INO80B: variants seen among roughly 807,000 people sequenced by gnomAD.
INO80B encodes the protein INO80 complex subunit B, also known as IES2 homolog.
Under a neutral mutation model 31.4 loss-of-function variants are expected in INO80B, and 18 were observed. The ratio of observed to expected loss-of-function variants is 0.57; its 90% CI spans 0.40 to 0.85. INO80B has a LOEUF of 0.85. Among genes scored for constraint, INO80B ranks in the 40% least tolerant of loss-of-function variants. INO80B has a pLI of 0.00. For missense variants in INO80B, 469 were observed against 475.4 expected (o/e 0.99, Z 0.13); for synonymous variants, 238 against 199.0 (o/e 1.20, Z -1.65).
rs1397299360 is a variant in INO80B, at chr2:74,457,611, T to C, written c.818T>C (p.Val273Ala). ...CGGGCTGCGGCTCCGGCCCCCATGG[T>C]GCGCTACTGCAGCGGAGCACAGGGT... Reference protein sequence around the residue: ...GGRAAAPAPMVRYCSGAQGST... With the variant: ...GGRAAAPAPMARYCSGAQGST... Residue 273 changes from valine to alanine, a missense_variant, in exon 5 of 5, where the codon GTG becomes GCG. Physicochemically the swap from Val to Ala is moderately conservative, Grantham distance 64 (BLOSUM62 0). Transcript: ENST00000233331. The C allele has an allele frequency of 8.9e-6, 14 of 1,568,732 alleles. No homozygotes were observed. The highest frequency in any genetic ancestry group is 1.2e-5 in the Non-Finnish European group (14 of 1,163,804).
At chr2:74,455,336 G>A in intron 1 of INO80B, 70 bp from the exon 2 acceptor site, 10 of 1,585,920 alleles carry the variant, frequency 6.3e-6, no homozygotes, top group African/African-American at 1.3e-5. Flanking sequence ...ATCCAGTAGG[G>A]GCTTAGGTTA....
chr2:74,457,423 G>A lies in INO80B; in HGVS notation c.630G>A (p.Glu210=). The A allele has an allele frequency of 6.3e-7, 1 of 1,599,012 alleles. No homozygotes were observed. The highest frequency in any genetic ancestry group is 2.3e-5 in the East Asian group (1 of 43,896). ...GCTGCCCACCTCCCGCCCTCACAGAGGAGATGCTGCTGAAGCGCGAGGAGC... is the reference window on the plus strand; with the variant it reads ...GCTGCCCACCTCCCGCCCTCACAGAAGAGATGCTGCTGAAGCGCGAGGAGC... ...AEGCPPPALT[E]EMLLKREERA... The change falls in exon 5 of 5, where the codon GAG becomes GAA. Residue 210 remains glutamate, a synonymous_variant. Transcript: ENST00000233331.
intron 1 of INO80B, 81 bp from the exon 2 acceptor site, chr2:74,455,325 G>C (rs770181215): frequency 1.3e-6 from 2 of 1,565,126 alleles, no homozygotes; most frequent in Non-Finnish European, 1.8e-6. Context: ...GGAAGGGTGG[G>C]ATCCAGTAGG....
chr2:74,456,360 A>G lies in INO80B; in HGVS notation c.540+88A>G, dbSNP rs1671700561. The G allele has an allele frequency of 2.2e-6, 3 of 1,350,216 alleles. No homozygotes were observed. In the East Asian group the frequency reaches 7.0e-5, roughly 31 times the overall value. 83.6% of individuals were successfully genotyped at this position (1,350,216 alleles called of 1,614,324 possible). On this transcript the variant is annotated intron_variant, in intron 4 of 4. Coordinates refer to ENST00000233331, the MANE Select transcript of INO80B (RefSeq NM_031288.4). ...CCACGCACTTTGCGTGGCATTGGGG[A>G]TATCGATAGTAGAGAAAAGACAAAG... is the stretch of plus-strand genomic sequence containing the variant.
Position 74,455,894 on chromosome 2 carries a change from C to G in INO80B, c.328C>G (p.Pro110Ala), listed in dbSNP as rs1176615958. Reference sequence around the variant, plus strand: ...TATGGTTGTGGATAATGAAGAGGAACCTATGGAAGGAGTCCCCCTTGAGCA... The same window carrying G: ...TATGGTTGTGGATAATGAAGAGGAAGCTATGGAAGGAGTCCCCCTTGAGCA... ...PLMVVDNEEEPMEGVPLEQYR... is the reference protein window; with the variant it reads ...PLMVVDNEEEAMEGVPLEQYR... The change falls in exon 3 of 5, where the codon CCT becomes GCT. Residue 110 changes from proline to alanine, a missense_variant. Pro to Ala is a conservative substitution (Grantham distance 27). Coordinates refer to ENST00000233331, the MANE Select transcript of INO80B (RefSeq NM_031288.4). 1 of 1,613,770 alleles carries G rather than the reference C, an allele frequency of 6.2e-7. No individual in the cohort carries two copies. Among genetic ancestry groups the G allele is most frequent in the Non-Finnish European group, 8.5e-7 (1 of 1,179,700 alleles).
chr2:74,455,099 C>T lies in INO80B; in HGVS notation c.-18C>T, dbSNP rs1314240465. ...GTGTGTCCCAACCATTTCTAGTCCC[C>T]TTTCCTCGCAGGACCTCATGAGTAA... On this transcript the variant is annotated 5_prime_UTR_variant, in exon 1 of 5. Transcript: ENST00000233331. The T allele has an allele frequency of 2.5e-6, 4 of 1,613,944 alleles. No homozygotes were observed. The East Asian group carries it at 6.7e-5, about 27-fold the overall frequency.
chr2:74,457,900 C>T lies in INO80B; in HGVS notation c.*36C>T, dbSNP rs1356674845. The stretch of plus-strand genomic sequence containing the variant: ...CCGGACTCTGCGCCCCGTCCCATGC[C>T]CGCTCTTGAGTATCTTCCCCACCCT... On this transcript the variant is annotated 3_prime_UTR_variant, in exon 5 of 5. Transcript: ENST00000233331. 1 of 1,494,940 alleles carries T rather than the reference C, an allele frequency of 6.7e-7. No homozygotes were observed. Among genetic ancestry groups the T allele is most frequent in the South Asian group, 1.3e-5 (1 of 76,690 alleles). 92.6% of individuals were successfully genotyped at this position (1,494,940 alleles called of 1,614,324 possible). A position where few individuals can be genotyped will look rare whatever the true frequency, so the allele number is the denominator to read the frequency against.
rs151315032 is a variant in INO80B, at chr2:74,455,138, G to A, written c.22G>A (p.Gly8Arg). 5.2e-4 allele frequency: 837 copies of A among 1,614,224 alleles called. No homozygotes were observed. Among genetic ancestry groups the A allele is most frequent in the Non-Finnish European group, 6.9e-4 (810 of 1,180,034 alleles). ...CCTCATGAGTAAGCTGTGGCGGCGTGGGAGCACCTCTGGGGCTATGGAGGC... is the reference window on the plus strand; with the variant it reads ...CCTCATGAGTAAGCTGTGGCGGCGTAGGAGCACCTCTGGGGCTATGGAGGC... The part of the protein sequence containing the change: MSKLWRR[G>R]STSGAMEAPE... Residue 8 changes from glycine (G) to arginine (R), a missense_variant, in exon 1 of 5, where the codon GGG becomes AGG. Physicochemically the swap from Gly to Arg is moderately radical, Grantham distance 125. Transcript: ENST00000233331.
chr2:74,455,775 G>T, intron 2 of INO80B, 43 bp from the exon 3 acceptor site: 1 of 1,467,658 alleles, frequency 6.8e-7, no homozygotes, highest in South Asian at 1.1e-5. Context: ...GTAGGAGGAG[G>T]AGACGCTTGC....
Position 74,455,127 on chromosome 2 carries a change from T to A in INO80B, c.11T>A (p.Leu4Gln). Reference sequence around the variant, plus strand: ...TCCTCGCAGGACCTCATGAGTAAGCTGTGGCGGCGTGGGAGCACCTCTGGG... The same window carrying A: ...TCCTCGCAGGACCTCATGAGTAAGCAGTGGCGGCGTGGGAGCACCTCTGGG... MSKLWRRGSTSGAM... is the reference protein window; with the variant it reads MSKQWRRGSTSGAM... The change falls in exon 1 of 5, where the codon CTG (leucine) becomes CAG (glutamine). Residue 4 changes from leucine to glutamine, a missense_variant. Transcript: ENST00000233331. The A allele has an allele frequency of 1.2e-6, 2 of 1,614,190 alleles. No homozygotes were observed. Among genetic ancestry groups the A allele is most frequent in the Non-Finnish European group, 1.7e-6 (2 of 1,180,036 alleles).
Position 74,457,853 on chromosome 2 carries a change from T to A in INO80B, c.1060T>A (p.Leu354Met). ...GCCCGAGGGTCCTGGATCCCCCCTT[T>A]TGGCTACGTAAGGCCCTTAACCCGG... ...GGPEGPGSPL[L>M]AT The change falls in exon 5 of 5, where the codon TTG becomes ATG. Residue 354 changes from leucine (L) to methionine (M), a missense_variant. By Grantham distance (15) the Leu-to-Met change is conservative. This residue lies in a region of INO80B where 201 missense variants were observed against 151.7 expected (regional missense o/e 1.32). Coordinates refer to ENST00000233331, the MANE Select transcript of INO80B (RefSeq NM_031288.4). 6.4e-7 allele frequency: 1 copy of A among 1,558,772 alleles called. No individual in the cohort carries two copies. Among genetic ancestry groups the A allele is most frequent in the South Asian group, 1.2e-5 (1 of 85,742 alleles).
chr2:74,457,879 A>T lies in INO80B; in HGVS notation c.*15A>T. The T allele has an allele frequency of 6.6e-7, 1 of 1,509,678 alleles. No homozygotes were observed. Among genetic ancestry groups the T allele is most frequent in the Non-Finnish European group, 8.8e-7 (1 of 1,135,898 alleles). The allele number at this position is 1,509,678 out of a possible 1,614,324, so 93.5% of individuals were successfully genotyped here. A position where few individuals can be genotyped will look rare whatever the true frequency, so the allele number is the denominator to read the frequency against. ...TGGCTACGTAAGGCCCTTAACCCGG[A>T]CTCTGCGCCCCGTCCCATGCCCGCT... On this transcript the variant is annotated 3_prime_UTR_variant, in exon 5 of 5. Coordinates refer to ENST00000233331, the MANE Select transcript of INO80B (RefSeq NM_031288.4).
chr2:74,456,857 A>G (rs1010170188), intron 4 of INO80B, among the ~76,000 whole-genome samples: 8 of 152,238 alleles, frequency 5.3e-5, no homozygotes, highest in African/African-American at 1.9e-4. Flanking sequence ...CCAAGACGAA[A>G]GTGGTGGAGA....
chr2:74,455,968 C>G lies in INO80B; in HGVS notation c.370+32C>G, dbSNP rs765725635. The G allele has an allele frequency of 3.8e-6, 6 of 1,561,676 alleles. No homozygotes were observed. The South Asian group carries it at 6.7e-5, about 17-fold the overall frequency. On this transcript the variant is annotated intron_variant, in intron 3 of 4. Coordinates refer to ENST00000233331, the MANE Select transcript of INO80B (RefSeq NM_031288.4). ...ATCTGGAGGTGGGGAAACTGGGTTT[C>G]TTATTATACCCGCCTAAAGAAAGAA...
At position 74,455,521 on chromosome 2, in the gene INO80B, G is replaced by T; in HGVS notation, c.174G>T (p.Gly58=). 1 of 1,614,146 alleles carries T rather than the reference G, an allele frequency of 6.2e-7. No homozygotes were observed. Among genetic ancestry groups the T allele is most frequent in the South Asian group, 1.1e-5 (1 of 91,090 alleles). The change falls in exon 2 of 5, where the codon GGG becomes GGT. Residue 58 remains glycine (G), a synonymous_variant. Coordinates refer to ENST00000233331, the MANE Select transcript of INO80B (RefSeq NM_031288.4). ...KKKHHQEEDA[G]PTQPSPAKPQ... is the part of the protein sequence containing the mutation. The stretch of plus-strand genomic sequence containing the variant: ...AACACCATCAGGAAGAAGACGCCGG[G>T]CCCACGCAGCCGTCCCCTGCCAAGC...
rs753408990 is a variant in INO80B at position 74,457,401 on chromosome 2, G to T, written c.608G>T (p.Cys203Phe). 1.9e-6 allele frequency: 3 copies of T among 1,606,102 alleles called. No individual in the cohort carries two copies. The Admixed American group carries it at 5.1e-5, about 27-fold the overall frequency. Reference sequence around the variant, plus strand: ...CTGCCGCTGCCTGTAGCTGAGGGCTGCCCACCTCCCGCCCTCACAGAGGAG... The same window carrying T: ...CTGCCGCTGCCTGTAGCTGAGGGCTTCCCACCTCCCGCCCTCACAGAGGAG... ...PMLPLPVAEG[C>F]PPPALTEEML... The change falls in exon 5 of 5, where the codon TGC becomes TTC. Residue 203 changes from cysteine (C) to phenylalanine (F), a missense_variant. Physicochemically the swap from Cys to Phe is radical, Grantham distance 205 (BLOSUM62 -2). Transcript: ENST00000233331.
chr2:74,457,420 AGAG>A lies in INO80B; in HGVS notation c.631_633del (p.Glu211del). 1.9e-6 allele frequency: 3 copies of A among 1,600,584 alleles called. No homozygotes were observed. The highest frequency in any genetic ancestry group is 2.6e-6 in the Non-Finnish European group (3 of 1,174,096). ...AGGGCTGCCCACCTCCCGCCCTCAC[AGAG>A]GAGATGCTGCTGAAGCGCGAGGAGC... On this transcript the variant is annotated inframe_deletion, in exon 5 of 5. Transcript: ENST00000233331.
Position 74,455,427 on chromosome 2 carries a change from T to C in INO80B, c.80T>C (p.Leu27Pro). ...PEPGEALELS[L>P]AGAHGHGVHK... ...ACAGGAGAAGCCCTGGAGTTGAGCC[T>C]GGCGGGTGCCCATGGCCATGGAGTG... The change falls in exon 2 of 5, where the codon CTG (leucine) becomes CCG (proline). Residue 27 changes from leucine to proline, a missense_variant. By Grantham distance (98) the Leu-to-Pro change is moderately conservative (BLOSUM62 -3). Around this residue, in one of 3 missense-constraint regions of INO80B, gnomAD observed 223 missense variants for 253.4 expected, o/e 0.88. Coordinates refer to ENST00000233331, the MANE Select transcript of INO80B (RefSeq NM_031288.4). 1 of 1,614,118 alleles carries C rather than the reference T, an allele frequency of 6.2e-7. No individual in the cohort carries two copies. The highest frequency in any genetic ancestry group is 8.5e-7 in the Non-Finnish European group (1 of 1,180,012).
intron 2 of INO80B, 60 bp from the exon 3 acceptor site, chr2:74,455,758 C>T (rs1465547583): frequency 4.2e-6 from 6 of 1,423,488 alleles, no homozygotes; most frequent in South Asian, 1.2e-5. Context: ...TTGGGTGTAG[C>T]TACGGAGTAG....
Sources: gnomAD v4.1 joint callset for allele counts (sites outside exome capture counted in the v4.1 genomes callset) on GRCh38, gnomAD v4.1.1 for gene constraint, gnomAD v4.1.1 regional missense constraint, MANE v1.5 for transcripts, NCBI Gene and HGNC (gene_info 2026-07-23, HGNC 2026-07-21) for gene names.